Variants in NOD1 observed in about 807,000 individuals in gnomAD.
The protein encoded by NOD1 is nucleotide-binding oligomerization domain-containing protein 1.
In NOD1, 70 loss-of-function variants were observed where a neutral mutation model predicts 81.2. The ratio of observed to expected loss-of-function variants is 0.86; its 90% confidence interval spans 0.71 to 1.05. NOD1 has a LOEUF of 1.05. Among genes scored for constraint, NOD1 ranks in the 50% least tolerant of loss-of-function variants. The pLI is 0.00. For missense variants in NOD1, 1,233 were observed against 1,228.0 expected (o/e 1.00, Z -0.06); for synonymous variants, 508 against 526.9 (o/e 0.96, Z 0.49).
intron 1 of NOD1, among the ~76,000 whole-genome samples, chr7:30,475,131 C>T (rs1562724832): frequency 6.6e-6 from 1 of 152,178 alleles, no homozygotes; most frequent in Non-Finnish European, 1.5e-5. Flanking sequence ...AATACTCTCC[C>T]AAGTAAATCA....
Position 30,425,427 on chromosome 7 carries a change from CATTCTT to C in NOD1, c.*205_*210del, listed in dbSNP as rs1783360595. The C allele has an allele frequency of 1.7e-6, 1 of 595,248 alleles. No individual in the cohort carries two copies. The highest frequency in any genetic ancestry group is 1.9e-5 in the African/African-American group (1 of 53,720). 36.9% of individuals were successfully genotyped at this position (595,248 alleles called of 1,614,324 possible). On this transcript the variant is annotated 3_prime_UTR_variant, in exon 14 of 14. Transcript: ENST00000222823. ...TGTAACTACAACAGCTCGCAAGACA[CATTCTT>C]TTTCTGCAGAATTGTAGCGGGTACT...
chr7:30,470,254 G>A (rs978073068), intron 1 of NOD1, among the ~76,000 whole-genome samples: 7 of 152,168 alleles, frequency 4.6e-5, no homozygotes, highest in Non-Finnish European at 8.8e-5. Flanking sequence ...GTTAATACAC[G>A]TACATACGGT....
intron 6 of NOD1, among the ~76,000 whole-genome samples, chr7:30,448,586 A>G (rs1411412928): frequency 6.6e-6 from 1 of 152,200 alleles, no homozygotes; most frequent in South Asian, 2.1e-4. Flanking sequence ...GCACCAGCCC[A>G]TGAGCGAGGC....
chr7:30,447,910 T>C, intron 7 of NOD1: 1 of 200,316 alleles, frequency 5.0e-6, no homozygotes, highest in East Asian at 1.3e-4. Context: ...TGCCATAGCA[T>C]GCACTCAGAA....
chr7:30,426,465 G>C (rs1042431363), intron 13 of NOD1, among the ~76,000 whole-genome samples: 2 of 151,476 alleles, frequency 1.3e-5, no homozygotes, highest in Admixed American at 1.3e-4. Context: ...CGGCCATCTT[G>C]GTCTGAGCAC....
At position 30,425,068 on chromosome 7, in the gene NOD1, G is replaced by A. The variant is rs1316406480; in HGVS notation, c.*570C>T. 6.6e-6 allele frequency: 1 copy of A among 152,660 alleles called. No individual in the cohort carries two copies. Among genetic ancestry groups the A allele is most frequent in the African/African-American group, 2.4e-5 (1 of 41,462 alleles). 9.5% of individuals were successfully genotyped at this position (152,660 alleles called of 1,614,324 possible). On this transcript the variant is annotated 3_prime_UTR_variant, in exon 14 of 14. Transcript: ENST00000222823. ...CATTAACTTTCCACAAAACCTTGGAGGAGTCAAATCCCACACTGCACATAC... is the reference window on the plus strand; with the variant it reads ...CATTAACTTTCCACAAAACCTTGGAAGAGTCAAATCCCACACTGCACATAC...
At position 30,425,332 on chromosome 7, in the gene NOD1, A is replaced by C. The variant is rs763702691; in HGVS notation, c.*306T>G. ...AGGCTGGCCTCCTCTGTTTGCTCACAGCTTTATTCCTCTAGCTTCAGATAA... is the reference window on the plus strand; with the variant it reads ...AGGCTGGCCTCCTCTGTTTGCTCACCGCTTTATTCCTCTAGCTTCAGATAA... On this transcript the variant is annotated 3_prime_UTR_variant, in exon 14 of 14. Coordinates refer to ENST00000222823, the MANE Select transcript of NOD1 (RefSeq NM_006092.4). 2.8e-5 allele frequency: 9 copies of C among 316,136 alleles called. No individual in the cohort carries two copies. The highest frequency in any genetic ancestry group is 4.7e-5 in the Non-Finnish European group (8 of 169,546). 19.6% of individuals were successfully genotyped at this position (316,136 alleles called of 1,614,324 possible). A position where few individuals can be genotyped will look rare whatever the true frequency, so the allele number is the denominator to read the frequency against.
intron 1 of NOD1, among the ~76,000 whole-genome samples, chr7:30,473,125 A>G: frequency 6.6e-6 from 1 of 152,188 alleles, no homozygotes; most frequent in East Asian, 1.9e-4. Context: ...CAGAAAAGCA[A>G]TTACTACCTC....
chr7:30,425,561 G>A lies in NOD1; in HGVS notation c.*77C>T. 1.9e-6 allele frequency: 2 copies of A among 1,062,082 alleles called. No homozygotes were observed. The highest frequency in any genetic ancestry group is 3.0e-6 in the Non-Finnish European group (2 of 676,162). The allele number at this position is 1,062,082 out of a possible 1,614,324, so 65.8% of individuals were successfully genotyped here. On this transcript the variant is annotated 3_prime_UTR_variant, in exon 14 of 14. Transcript: ENST00000222823. ...CCTGCGCAGGCCCCTTTAAGACACT[G>A]ACACAAAAGACTGCCCAGAGTGGCA...
At chr7:30,435,945 A>T in intron 11 of NOD1, 53 bp downstream of exon 11, 1 of 1,459,592 alleles carries the variant, frequency 6.9e-7, no homozygotes, top group Non-Finnish European at 9.6e-7. Context: ...ACGACAAAGC[A>T]AGACCCTATC....
intron 12 of NOD1, among the ~76,000 whole-genome samples, chr7:30,432,264 C>T (rs190207595): frequency 6.6e-6 from 1 of 152,238 alleles, no homozygotes; most frequent in Non-Finnish European, 1.5e-5. Flanking sequence ...CATTAGAAGA[C>T]AAACCCAATT....
chr7:30,455,144 A>G lies in NOD1; in HGVS notation c.369T>C (p.Thr123=). 6.2e-7 allele frequency: 1 copy of G among 1,613,838 alleles called. No individual in the cohort carries two copies. ...LLTQSKVVVN[T]DPVSRYTQQL... ...GCTGGGGCTGACTCCTACCTGGGTC[A>G]GTGTTGACCACGACTTTGCTCTGAG... The change falls in exon 5 of 14, where the codon ACT becomes ACC. Residue 123 remains threonine, a synonymous_variant. Transcript: ENST00000222823.
intron 1 of NOD1, among the ~76,000 whole-genome samples, chr7:30,473,122 G>A (rs2709801): frequency 0.57 from 86,325 of 152,084 alleles, 27,272 homozygotes; most frequent in African/African-American, 0.87. Context: ...AGCCAGAAAA[G>A]CAATTACTAC....
rs71530511 is a variant in NOD1 at position 30,426,779 on chromosome 7, C to T, written c.2790-1069G>A. 3.1e-3 allele frequency among the ~76,000 whole-genome samples: 478 copies of T among 152,224 alleles called. 2 individuals carry two copies. The highest frequency in any genetic ancestry group is 3.4e-3 in the Non-Finnish European group (234 of 68,020). On this transcript the variant is annotated intron_variant, in intron 13 of 13. Coordinates refer to ENST00000222823, the MANE Select transcript of NOD1 (RefSeq NM_006092.4). Reference sequence around the variant, plus strand: ...TGGGGCACAGCAGCTTCTGGCAGTTCTTCCAGGACACCACACTCCCTCCTG... The same window carrying T: ...TGGGGCACAGCAGCTTCTGGCAGTTTTTCCAGGACACCACACTCCCTCCTG...
rs775054330 is a variant in NOD1 at position 30,451,296 on chromosome 7, G to A, written c.2121C>T (p.Ala707=). Residue 707 remains alanine, a synonymous_variant, in exon 6 of 14, where the codon GCC becomes GCT. Coordinates refer to ENST00000222823, the MANE Select transcript of NOD1 (RefSeq NM_006092.4). The surrounding 1 kb of genome is among the most constrained non-coding windows in gnomAD (Gnocchi z 4.2). The part of the protein sequence containing the change: ...FVLHHFPKRL[A]LDLDNNNLND... ...TGAGATTGTTGTTGTCTAGGTCTAG[G>A]GCCAGCCGCTTGGGGAAGTGATGCA... 12 of 1,614,200 alleles carry A rather than the reference G, an allele frequency of 7.4e-6. No individual in the cohort carries two copies. The highest frequency in any genetic ancestry group is 1.7e-5 in the Admixed American group (1 of 60,030).
chr7:30,462,426 GTT>G (rs530513096), intron 1 of NOD1, among the ~76,000 whole-genome samples: 27 of 136,312 alleles, frequency 2.0e-4, no homozygotes, highest in East Asian at 1.3e-3. Flanking sequence ...GTTCTGATGG[GTT>G]TTTTTTTTTT....
Position 30,451,198 on chromosome 7 carries a change from C to T in NOD1, c.2201+18G>A, listed in dbSNP as rs759154570. On this transcript the variant is annotated intron_variant, in intron 6 of 13. Coordinates refer to ENST00000222823, the MANE Select transcript of NOD1 (RefSeq NM_006092.4). This position sits in a 1 kb window ranked among gnomAD's most constrained non-coding sequence, Gnocchi z 4.2. The stretch of plus-strand genomic sequence containing the variant: ...CCCGCCCGGCCCACCTGTTGCTCCC[C>T]TTGCCTGGCAGCCTCACCTGAGAAC... 29 of 1,605,956 alleles carry T rather than the reference C, an allele frequency of 1.8e-5. No individual in the cohort carries two copies. The South Asian group carries it at 3.1e-4, about 17-fold the overall frequency.
chr7:30,427,337 G>A (rs1783541878), intron 13 of NOD1, among the ~76,000 whole-genome samples: 1 of 152,208 alleles, frequency 6.6e-6, no homozygotes. Flanking sequence ...TTTTCAGAAA[G>A]GAATGAGGTA....
At chr7:30,461,315 T>C (rs539923681) in intron 1 of NOD1, among the ~76,000 whole-genome samples, 95 of 151,828 alleles carry the variant, frequency 6.3e-4, no homozygotes, top group African/African-American at 2.2e-3. Flanking sequence ...GTAGCTGGGA[T>C]TACAGGTGCA....
Sources: gnomAD v4.1 joint callset for allele counts (sites outside exome capture counted in the v4.1 genomes callset) on GRCh38, gnomAD v4.1.1 for gene constraint, Gnocchi (gnomAD v3.1) non-coding constraint, MANE v1.5 for transcripts, NCBI Gene and HGNC (gene_info 2026-07-23, HGNC 2026-07-21) for gene names.